Variants in ST8SIA6 observed in about 807,000 individuals in gnomAD.
ST8SIA6 encodes the protein ST8 alpha-N-acetyl-neuraminide alpha-2,8-sialyltransferase 6.
A neutral mutation model predicts 33.6 loss-of-function variants in ST8SIA6; 39 were observed. The ratio of observed to expected loss-of-function variants is 1.16; its 90% CI spans 0.90 to 1.52. The LOEUF (loss-of-function observed/expected upper bound fraction) is 1.52. Ranked by LOEUF, ST8SIA6 falls within the 40% of genes most tolerant of loss-of-function variation. ST8SIA6 has a pLI of 0.00. For synonymous variants in ST8SIA6, 172 were observed against 167.2 expected (o/e 1.03, Z -0.22); for missense variants, 441 against 443.8 (o/e 0.99, Z 0.06).
chr10:17,390,192 A>T (rs1850533986), intron 3 of ST8SIA6, among the ~76,000 whole-genome samples: 1 of 152,104 alleles, frequency 6.6e-6, no homozygotes, highest in African/African-American at 2.4e-5. Context: ...TATGTTGCTA[A>T]GCCTGGTCTG....
At chr10:17,373,463 C>T (rs1260284488) in intron 3 of ST8SIA6, among the ~76,000 whole-genome samples, 1 of 152,100 alleles carries the variant, frequency 6.6e-6, no homozygotes, top group Non-Finnish European at 1.5e-5. Flanking sequence ...AGGCATAAAA[C>T]CCAACCTGCT....
intron 4 of ST8SIA6, among the ~76,000 whole-genome samples, chr10:17,346,658 A>T (rs1848847625): frequency 3.3e-5 from 5 of 152,176 alleles, no homozygotes. Context: ...CGGAACTGAG[A>T]GAGAATATGA....
At chr10:17,374,626 A>G (rs961514109) in intron 3 of ST8SIA6, among the ~76,000 whole-genome samples, 1 of 151,646 alleles carries the variant, frequency 6.6e-6, no homozygotes, top group Non-Finnish European at 1.5e-5. Flanking sequence ...AGGTAGGAGA[A>G]TCACTTGAAA....
At chr10:17,365,527 T>A (rs573060274) in intron 3 of ST8SIA6, among the ~76,000 whole-genome samples, 17 of 152,272 alleles carry the variant, frequency 1.1e-4, no homozygotes, top group African/African-American at 3.8e-4. Flanking sequence ...AAATCTCACA[T>A]CATCCTGCTC....
intron 4 of ST8SIA6, among the ~76,000 whole-genome samples, chr10:17,343,666 G>A (rs994133173): frequency 1.3e-5 from 2 of 151,892 alleles, no homozygotes; most frequent in African/African-American, 4.8e-5. Context: ...AAGACAGAAG[G>A]CAAAAGACAG....
chr10:17,425,398 G>A (rs138297152), intron 2 of ST8SIA6, among the ~76,000 whole-genome samples: 1,638 of 152,010 alleles, frequency 0.011, 14 homozygotes, highest in Admixed American at 0.018. Context: ...ATGAAACCCC[G>A]TCTCTACTTA....
intron 5 of ST8SIA6, among the ~76,000 whole-genome samples, chr10:17,328,362 T>C (rs756983559): frequency 4.6e-5 from 7 of 152,200 alleles, no homozygotes; most frequent in Non-Finnish European, 8.8e-5. Flanking sequence ...ATCTTTCTTA[T>C]TCCTTTTAGG....
chr10:17,397,233 G>GTTTTTTTTT (rs34049805), intron 2 of ST8SIA6, among the ~76,000 whole-genome samples: 6 of 124,248 alleles, frequency 4.8e-5, no homozygotes, highest in Non-Finnish European at 6.3e-5. Context: ...ATTGTTTTTT[G>GTTTTTTTTT]TTTTTTTTTT....
At chr10:17,418,801 T>C (rs1851680965) in intron 2 of ST8SIA6, among the ~76,000 whole-genome samples, 1 of 152,012 alleles carries the variant, frequency 6.6e-6, no homozygotes, top group East Asian at 1.9e-4. Flanking sequence ...GAGACCAGCA[T>C]GGCCAACATG....
intron 2 of ST8SIA6, among the ~76,000 whole-genome samples, chr10:17,436,671 C>T (rs921354015): frequency 1.3e-5 from 2 of 151,752 alleles, no homozygotes; most frequent in African/African-American, 4.8e-5. Flanking sequence ...TGGTTTCCAG[C>T]TTCATCCATG....
intron 2 of ST8SIA6, among the ~76,000 whole-genome samples, chr10:17,428,589 G>A (rs1852006690): frequency 6.6e-6 from 1 of 152,022 alleles, no homozygotes; most frequent in Non-Finnish European, 1.5e-5. Flanking sequence ...GAGGAAAGCA[G>A]CCGCTGAGCT....
intron 4 of ST8SIA6, 137 bp downstream of exon 4, chr10:17,359,377 G>T: frequency 1.7e-6 from 1 of 577,228 alleles, no homozygotes; most frequent in Non-Finnish European, 3.0e-6. Context: ...CTCATGAGAG[G>T]GTCTTAGAAT....
At chr10:17,410,199 A>T (rs1301795569) in intron 2 of ST8SIA6, 1 of 152,224 alleles carries the variant, frequency 6.6e-6, no homozygotes, top group African/African-American at 2.4e-5. Context: ...TAGTGCAAAA[A>T]ATCTTTCAGA....
In ST8SIA6 at chr10:17,320,781, C is replaced by G; in HGVS notation, c.*97G>C. 1 of 1,356,076 alleles carries G rather than the reference C, an allele frequency of 7.4e-7. No homozygotes were observed. The highest frequency in any genetic ancestry group is 1.0e-6 in the Non-Finnish European group (1 of 987,314). 84.0% of individuals were successfully genotyped at this position (1,356,076 alleles called of 1,614,324 possible). On this transcript the variant is annotated 3_prime_UTR_variant, in exon 8 of 8. Transcript: ENST00000377602. ...GGTCAAACCAAATTTTGGGGCTCATCTCAAAATACTCTTTAGCCACCTCCT... is the reference window on the plus strand; with the variant it reads ...GGTCAAACCAAATTTTGGGGCTCATGTCAAAATACTCTTTAGCCACCTCCT...
chr10:17,425,716 G>A (rs199991345), intron 2 of ST8SIA6, among the ~76,000 whole-genome samples: 1 of 137,616 alleles, frequency 7.3e-6, no homozygotes, highest in East Asian at 3.4e-4. Context: ...GGAAGGAAGG[G>A]AAGGAAGGAA....
rs370806810 is a variant in ST8SIA6, at chr10:17,331,478, T to C, written c.452A>G (p.Asn151Ser). 6.2e-7 allele frequency: 1 copy of C among 1,613,878 alleles called. No homozygotes were observed. Among genetic ancestry groups the C allele is most frequent in the East Asian group, 2.2e-5 (1 of 44,856 alleles). ...TTTGCTTTCCACCTCGTAACTCATA[T>C]TAGTCCCAACTGGAGTGTTATTCTG... Reference protein sequence around the residue: ...VSQNNTPVGTNMSYEVESKKE... With the variant: ...VSQNNTPVGTSMSYEVESKKE... Residue 151 changes from asparagine (N) to serine (S), a missense_variant, in exon 5 of 8, where the codon AAT (asparagine) becomes AGT (serine). Asn to Ser is a conservative substitution (Grantham distance 46, BLOSUM62 1). Coordinates refer to ENST00000377602, the MANE Select transcript of ST8SIA6 (RefSeq NM_001004470.3).
chr10:17,433,822 C>T (rs1852172066), intron 2 of ST8SIA6, among the ~76,000 whole-genome samples: 2 of 152,236 alleles, frequency 1.3e-5, no homozygotes, highest in South Asian at 4.2e-4. Context: ...GCAAGGAGTG[C>T]CCCTTTGTTT....
intron 4 of ST8SIA6, among the ~76,000 whole-genome samples, chr10:17,356,663 C>T (rs1307360042): frequency 6.6e-6 from 1 of 152,156 alleles, no homozygotes; most frequent in East Asian, 1.9e-4. Context: ...GCTTGGATTG[C>T]AGTTATGAGC....
Position 17,397,389 on chromosome 10 carries a change from C to T in ST8SIA6, c.201-6769G>A, listed in dbSNP as rs11254575. 8.3e-3 allele frequency among the ~76,000 whole-genome samples: 1,269 copies of T among 152,146 alleles called. 17 individuals carry two copies. Among genetic ancestry groups the T allele is most frequent in the African/African-American group, 0.029 (1,206 of 41,498 alleles). On this transcript the variant is annotated intron_variant, in intron 2 of 7. Transcript: ENST00000377602. ...GCTGGGATTACAGGATGCCTGCCACCACGACTGGCTAATTTTTGTATTTTT... is the reference window on the plus strand; with the variant it reads ...GCTGGGATTACAGGATGCCTGCCACTACGACTGGCTAATTTTTGTATTTTT...
Sources: allele counts gnomAD v4.1 joint callset (sites outside exome capture counted in the v4.1 genomes callset), GRCh38; gene constraint gnomAD v4.1.1; transcripts MANE v1.5; gene names NCBI Gene and HGNC (gene_info 2026-07-23, HGNC 2026-07-21).